PMFBP1: variants seen among roughly 807,000 people sequenced by gnomAD.
The protein encoded by PMFBP1 is polyamine-modulated factor 1-binding protein 1.
A neutral mutation model predicts 137.8 loss-of-function variants in PMFBP1; 131 were observed. The observed-to-expected ratio is 0.95, with a 90% CI of 0.82 to 1.10. PMFBP1 has a LOEUF of 1.10. Ranked by LOEUF, PMFBP1 falls within the 50% of genes least tolerant of loss-of-function variation. The pLI is 0.00. For missense variants in PMFBP1, 1,199 were observed against 1,175.4 expected (o/e 1.02, Z -0.29); for synonymous variants, 490 against 450.4 (o/e 1.09, Z -1.11).
the PMFBP1 span, among the ~76,000 whole-genome samples, chr16:72,217,789 G>T: frequency 3.3e-5 from 5 of 152,144 alleles, no homozygotes; most frequent in Admixed American, 3.3e-4. Context: ...GGAGGTGGAG[G>T]TTGCAGTGAG....
the PMFBP1 span, among the ~76,000 whole-genome samples, chr16:72,200,466 T>G: frequency 6.6e-6 from 1 of 152,222 alleles, no homozygotes; most frequent in Non-Finnish European, 1.5e-5. Context: ...AGTGAAGCAA[T>G]GGCCCTGTAG....
chr16:72,156,934 T>C (rs2042989761), intron 3 of PMFBP1, among the ~76,000 whole-genome samples: 1 of 151,732 alleles, frequency 6.6e-6, no homozygotes, highest in South Asian at 2.1e-4. Flanking sequence ...ACACCTGTAA[T>C]CCCAGCACTT....
upstream of PMFBP1, among the ~76,000 whole-genome samples, chr16:72,177,987 G>T (rs2144544959): frequency 6.6e-6 from 1 of 152,162 alleles, no homozygotes; most frequent in African/African-American, 2.4e-5. Flanking sequence ...GACTTCCCAG[G>T]CTCAAGCAAT....
chr16:72,198,284 G>C, the PMFBP1 span, among the ~76,000 whole-genome samples: 1 of 152,088 alleles, frequency 6.6e-6, no homozygotes, highest in African/African-American at 2.4e-5. Flanking sequence ...ATCGCTTCCA[G>C]CTATTGTGCA....
chr16:72,140,696 T>C (rs1597472015), intron 5 of PMFBP1, 114 bp from the exon 6 acceptor site: 2 of 973,566 alleles, frequency 2.1e-6, no homozygotes, highest in Admixed American at 4.9e-5. Flanking sequence ...TGTTCATATA[T>C]GGAAATCATG....
chr16:72,225,448 G>C, the PMFBP1 span, among the ~76,000 whole-genome samples: 43 of 152,196 alleles, frequency 2.8e-4, no homozygotes, highest in Admixed American at 2.8e-3. Flanking sequence ...CCAGCAGTTA[G>C]GGAGGCCAAG....
At chr16:72,140,627 G>A (rs767606398) in intron 5 of PMFBP1, 45 bp from the exon 6 acceptor site, 3 of 1,529,316 alleles carry the variant, frequency 2.0e-6, no homozygotes, top group Non-Finnish European at 1.8e-6. Flanking sequence ...TATAGTTTGT[G>A]AGTTACTTCA....
the PMFBP1 span, among the ~76,000 whole-genome samples, chr16:72,222,269 G>A: frequency 6.6e-6 from 1 of 152,102 alleles, no homozygotes. Context: ...ACCATGCCTG[G>A]CATAACCCTG....
chr16:72,153,455 A>G (rs2042933373), intron 4 of PMFBP1, among the ~76,000 whole-genome samples: 2 of 151,766 alleles, frequency 1.3e-5, no homozygotes, highest in African/African-American at 4.8e-5. Context: ...AAATCTAAAG[A>G]AAGAAAATGC....
At chr16:72,176,253 G>A (rs113480562), upstream of PMFBP1, among the ~76,000 whole-genome samples, 6 of 152,290 alleles carry the variant, frequency 3.9e-5, no homozygotes, top group Non-Finnish European at 7.4e-5. Flanking sequence ...GGGGCCAGGA[G>A]GAGCAGGAGA....
the PMFBP1 span, among the ~76,000 whole-genome samples, chr16:72,244,345 A>C: frequency 1.5e-4 from 23 of 152,354 alleles, no homozygotes; most frequent in African/African-American, 5.5e-4. Flanking sequence ...CCCAGTAGCT[A>C]GAGACCAGAG....
chr16:72,118,461 A>G (rs1193987571), downstream of PMFBP1, among the ~76,000 whole-genome samples: 2 of 152,218 alleles, frequency 1.3e-5, no homozygotes, highest in Non-Finnish European at 2.9e-5. Context: ...CCCAGGAAGA[A>G]TATTGAAGAA....
upstream of PMFBP1, among the ~76,000 whole-genome samples, chr16:72,179,846 C>T (rs528613125): frequency 6.6e-6 from 1 of 152,156 alleles, no homozygotes; most frequent in Admixed American, 6.5e-5. Context: ...TACATAAATG[C>T]CAGATGTTGC....
At chr16:72,185,142 G>C in the PMFBP1 span, among the ~76,000 whole-genome samples, 1 of 151,834 alleles carries the variant, frequency 6.6e-6, no homozygotes, top group Non-Finnish European at 1.5e-5. Context: ...TCCTGCCTCA[G>C]CCTCCTGAGT....
intron 19 of PMFBP1, 158 bp from the exon 20 acceptor site, chr16:72,120,247 CTA>C: frequency 1.6e-6 from 2 of 1,247,050 alleles, no homozygotes; most frequent in Non-Finnish European, 2.2e-6. Flanking sequence ...AAATGGAAGC[CTA>C]CGTGTGTCCT....
chr16:72,216,700 G>A, the PMFBP1 span, among the ~76,000 whole-genome samples: 185 of 152,310 alleles, frequency 1.2e-3, no homozygotes, highest in Non-Finnish European at 1.4e-3. Context: ...GAGTCAAAGG[G>A]TTGAAAAAAC....
the PMFBP1 span, among the ~76,000 whole-genome samples, chr16:72,211,181 C>T: frequency 5.3e-5 from 8 of 152,172 alleles, no homozygotes; most frequent in Admixed American, 3.3e-4. Context: ...ACAAACTAGA[C>T]TTGGAGCTTG....
the PMFBP1 span, among the ~76,000 whole-genome samples, chr16:72,241,027 T>C: frequency 6.6e-6 from 1 of 151,938 alleles, no homozygotes; most frequent in Non-Finnish European, 1.5e-5. Flanking sequence ...TGGTAGACAA[T>C]ATGAAGGTGT....
intron 5 of PMFBP1, among the ~76,000 whole-genome samples, chr16:72,143,258 G>A (rs566007456): frequency 6.6e-6 from 1 of 152,270 alleles, no homozygotes; most frequent in Admixed American, 6.5e-5. Context: ...TTTAAAATGA[G>A]GAGCAAGGCA....
Sources: gnomAD v4.1 joint callset for allele counts (sites outside exome capture counted in the v4.1 genomes callset) on GRCh38, gnomAD v4.1.1 for gene constraint, MANE v1.5 for transcripts, NCBI Gene and HGNC (gene_info 2026-07-23, HGNC 2026-07-21) for gene names.